TRDN: variants seen among roughly 807,000 people sequenced by gnomAD.
TRDN encodes triadin in skeletal muscle.
A neutral mutation model predicts 149.7 loss-of-function variants in TRDN; 161 were observed. The observed-to-expected ratio is 1.08, with a 90% CI of 0.95 to 1.23. TRDN has a LOEUF of 1.23. TRDN is among the 50% of genes most tolerant of loss of function. The pLI is 0.00. For missense variants in TRDN, 896 were observed against 823.5 expected, an observed-to-expected ratio of 1.09 and a Z score of -1.08; for synonymous variants, 294 against 250.5, an observed-to-expected ratio of 1.17 and a Z score of -1.64.
intron 12 of TRDN, among the ~76,000 whole-genome samples, chr6:123,421,810 A>T (rs1472343617): frequency 6.7e-6 from 1 of 149,874 alleles, no homozygotes; most frequent in Non-Finnish European, 1.5e-5. Context: ...CTCTACAAAA[A>T]AAAAAAAAAA....
rs949601298 is a variant in TRDN, at chr6:123,273,045, A to G, written c.1625-34T>C. 2.1e-6 allele frequency: 3 copies of G among 1,402,836 alleles called. No individual in the cohort carries two copies. In the Admixed American group the frequency reaches 8.9e-5, roughly 42 times the overall value. 86.9% of individuals were successfully genotyped at this position (1,402,836 alleles called of 1,614,324 possible). On this transcript the variant is annotated intron_variant, in intron 28 of 40. Coordinates refer to ENST00000334268, the MANE Select transcript of TRDN (RefSeq NM_006073.4). ...AATAAAAAGAAAATCTTTTTTAGGT[A>G]TTTAGAAGCTGGGAAAATAGCTAGC...
intron 2 of TRDN, among the ~76,000 whole-genome samples, chr6:123,569,755 A>G (rs1050492855): frequency 6.6e-6 from 1 of 151,918 alleles, no homozygotes; most frequent in African/African-American, 2.4e-5. Context: ...ACCAGATCTC[A>G]TGAGAACTCA....
At chr6:123,240,036 A>G (rs1172164904) in intron 38 of TRDN, among the ~76,000 whole-genome samples, 2 of 152,038 alleles carry the variant, frequency 1.3e-5, no homozygotes, top group Non-Finnish European at 2.9e-5. Context: ...ATGTTCTACA[A>G]TGTGCTACAC....
At chr6:123,518,832 C>T (rs1404436909) in intron 5 of TRDN, among the ~76,000 whole-genome samples, 2 of 152,148 alleles carry the variant, frequency 1.3e-5, no homozygotes, top group African/African-American at 4.8e-5. Context: ...TAATGGCAGA[C>T]AGCCACTGAA....
At chr6:123,433,525 T>G (rs1038731820) in intron 12 of TRDN, among the ~76,000 whole-genome samples, 1 of 152,062 alleles carries the variant, frequency 6.6e-6, no homozygotes, top group African/African-American at 2.4e-5. Flanking sequence ...TCCTTCAAGA[T>G]GCATGCATGC....
intron 24 of TRDN, among the ~76,000 whole-genome samples, chr6:123,301,663 AC>A (rs1230751879): frequency 6.7e-6 from 1 of 149,834 alleles, no homozygotes; most frequent in Non-Finnish European, 1.5e-5. Context: ...CATGGTTAAA[AC>A]CATTAGAACT....
At position 123,617,480 on chromosome 6, in the gene TRDN, GA is replaced by G. The variant is rs892250993; in HGVS notation, c.22+19273del. ...TAAGGTTTTCAAATATATATTAGTG[GA>G]AAAAAAAATAAAGTGCCTCTCTAAT... On this transcript the variant is annotated intron_variant, in intron 1 of 40. Transcript: ENST00000334268. Among the ~76,000 whole-genome samples the G allele has an allele frequency of 1.3e-4, 19 of 150,022 alleles. 1 individual carries two copies. Among genetic ancestry groups the G allele is most frequent in the East Asian group, 3.9e-4 (2 of 5,122 alleles).
intron 5 of TRDN, among the ~76,000 whole-genome samples, chr6:123,520,764 T>A (rs1391127920): frequency 6.6e-6 from 1 of 152,186 alleles, no homozygotes; most frequent in Non-Finnish European, 1.5e-5. Context: ...AGAACTGTAA[T>A]CGCTTTCTCA....
At chr6:123,227,247 A>C (rs949100662) in intron 38 of TRDN, among the ~76,000 whole-genome samples, 1 of 151,892 alleles carries the variant, frequency 6.6e-6, no homozygotes, top group African/African-American at 2.4e-5. Flanking sequence ...TCCAAGTAGG[A>C]GTCACTGAAG....
chr6:123,566,421 G>C (rs1481182625), intron 2 of TRDN, among the ~76,000 whole-genome samples: 1 of 152,144 alleles, frequency 6.6e-6, no homozygotes, highest in Non-Finnish European at 1.5e-5. Flanking sequence ...GCATAAATCA[G>C]ACAGAATTCT....
At chr6:123,346,379 A>C (rs1331025060) in intron 21 of TRDN, among the ~76,000 whole-genome samples, 1 of 152,038 alleles carries the variant, frequency 6.6e-6, no homozygotes, top group African/African-American at 2.4e-5. Flanking sequence ...GAATACGTAT[A>C]ATTCTTTTTA....
chr6:123,449,059 G>A (rs1398192702), intron 10 of TRDN, among the ~76,000 whole-genome samples: 1 of 152,066 alleles, frequency 6.6e-6, no homozygotes, highest in Non-Finnish European at 1.5e-5. Flanking sequence ...GGGGACAAAA[G>A]AATCTGAACA....
intron 10 of TRDN, among the ~76,000 whole-genome samples, chr6:123,450,162 G>A (rs9490762): frequency 0.33 from 49,441 of 151,736 alleles, 8,694 homozygotes; most frequent in African/African-American, 0.45. Flanking sequence ...AATAGAAGTT[G>A]AAAAGCAAAA....
At chr6:123,282,036 C>T (rs1023160762) in intron 24 of TRDN, among the ~76,000 whole-genome samples, 5 of 151,614 alleles carry the variant, frequency 3.3e-5, no homozygotes, top group Non-Finnish European at 7.4e-5. Flanking sequence ...ATATGACTAG[C>T]GTTATGATCA....
At chr6:123,606,179 A>AT (rs1392764754) in intron 1 of TRDN, among the ~76,000 whole-genome samples, 11 of 152,150 alleles carry the variant, frequency 7.2e-5, no homozygotes, top group Non-Finnish European at 1.6e-4. Context: ...CCGTAAGGAG[A>AT]TTTTTCAGTA....
chr6:123,522,893 G>T (rs998739846), intron 5 of TRDN, among the ~76,000 whole-genome samples: 11 of 152,062 alleles, frequency 7.2e-5, no homozygotes, highest in African/African-American at 2.4e-4. Flanking sequence ...TTCAGAGCTG[G>T]TGAAAACCTG....
At position 123,491,336 on chromosome 6, in the gene TRDN, G is replaced by T. The variant is rs79021691; in HGVS notation, c.853+5857C>A. Reference sequence around the variant, plus strand: ...TATTCAAAATTTGAAATTGGTATCTGCAAGATGAATACACTGAAGGCTCAT... The same window carrying T: ...TATTCAAAATTTGAAATTGGTATCTTCAAGATGAATACACTGAAGGCTCAT... On this transcript the variant is annotated intron_variant, in intron 9 of 40. Transcript: ENST00000334268. Among the ~76,000 whole-genome samples, 521 of 152,186 alleles carry T rather than the reference G, an allele frequency of 3.4e-3. 24 individuals are homozygous for T. In the East Asian group the frequency reaches 0.092, roughly 27 times the overall value.
At chr6:123,601,976 G>C (rs1377681945) in intron 1 of TRDN, among the ~76,000 whole-genome samples, 1 of 151,980 alleles carries the variant, frequency 6.6e-6, no homozygotes, top group Non-Finnish European at 1.5e-5. Flanking sequence ...AGAACTCAGA[G>C]AGCTAGACTT....
chr6:123,424,484 GT>G (rs923384703), intron 12 of TRDN, among the ~76,000 whole-genome samples: 42 of 147,892 alleles, frequency 2.8e-4, no homozygotes, highest in African/African-American at 5.4e-4. Flanking sequence ...TTCTGTCTGC[GT>G]TTTTTTTTTA....
Sources: gnomAD v4.1 joint callset for allele counts (sites outside exome capture counted in the v4.1 genomes callset) on GRCh38, gnomAD v4.1.1 for gene constraint, MANE v1.5 for transcripts, NCBI Gene and HGNC (gene_info 2026-07-23, HGNC 2026-07-21) for gene names.